Variants in MIPEP observed in about 807,000 individuals in gnomAD.
MIPEP encodes mitochondrial intermediate peptidase.
A neutral mutation model predicts 90.3 loss-of-function variants in MIPEP; 79 were observed. That is an observed-to-expected ratio of 0.87 (90% CI 0.73 to 1.05). MIPEP has a LOEUF of 1.05. Among genes scored for constraint, MIPEP ranks in the 50% least tolerant of loss-of-function variants. The pLI is 0.00. For missense variants in MIPEP, 940 were observed against 905.6 expected, an observed-to-expected ratio of 1.04 and a Z score of -0.49; for synonymous variants, 334 against 315.8, an observed-to-expected ratio of 1.06 and a Z score of -0.61.
intron 18 of MIPEP, among the ~76,000 whole-genome samples, chr13:23,736,664 G>C (rs1952267346): frequency 6.6e-6 from 1 of 152,172 alleles, no homozygotes; most frequent in South Asian, 2.1e-4. Context: ...CAGCTGGAGA[G>C]AAAGTGAGGA....
intron 18 of MIPEP, among the ~76,000 whole-genome samples, chr13:23,739,911 G>T (rs1952307057): frequency 6.6e-6 from 1 of 152,210 alleles, no homozygotes; most frequent in Non-Finnish European, 1.5e-5. Flanking sequence ...TTCATGAGTT[G>T]GGGAGAAAGC....
chr13:23,734,279 C>G (rs1398154848), intron 18 of MIPEP, among the ~76,000 whole-genome samples: 2 of 152,154 alleles, frequency 1.3e-5, no homozygotes, highest in Non-Finnish European at 1.5e-5. Context: ...TCTTTTCCTT[C>G]TTGCTTATTG....
chr13:23,882,911 A>C (rs1356564954), intron 2 of MIPEP, among the ~76,000 whole-genome samples: 1 of 152,100 alleles, frequency 6.6e-6, no homozygotes, highest in Non-Finnish European at 1.5e-5. Flanking sequence ...AATCAATATT[A>C]AAATTCAAAA....
At chr13:23,825,195 T>C (rs1953351450) in intron 14 of MIPEP, among the ~76,000 whole-genome samples, 1 of 152,240 alleles carries the variant, frequency 6.6e-6, no homozygotes, top group South Asian at 2.1e-4. Context: ...CCATCTCTAC[T>C]TCCCTGTTCA....
At chr13:23,865,672 A>ACC (rs1555241390) in intron 7 of MIPEP, among the ~76,000 whole-genome samples, 3 of 68,966 alleles carry the variant, frequency 4.3e-5, no homozygotes, top group Non-Finnish European at 8.4e-5. Context: ...GCCTCAATTA[A>ACC]TTTTTTTTTT....
At chr13:23,785,245 T>TC (rs911650646) in intron 16 of MIPEP, among the ~76,000 whole-genome samples, 1 of 152,084 alleles carries the variant, frequency 6.6e-6, no homozygotes, top group Non-Finnish European at 1.5e-5. Flanking sequence ...AACCCAAATG[T>TC]CCAACAATGA....
rs117370323 is a variant in MIPEP, at chr13:23,837,810, G to A, written c.1339-54C>T. On this transcript the variant is annotated intron_variant, in intron 12 of 18. Coordinates refer to ENST00000382172, the MANE Select transcript of MIPEP (RefSeq NM_005932.4). ...AAGAAAGTATTTGGTAATGTGAAGAGTAAAACAGTCTTAATGAATATAAAA... is the reference window on the plus strand; with the variant it reads ...AAGAAAGTATTTGGTAATGTGAAGAATAAAACAGTCTTAATGAATATAAAA... 266 of 1,382,202 alleles carry A rather than the reference G, an allele frequency of 1.9e-4. No homozygotes were observed. The East Asian group carries it at 6.0e-3, about 31-fold the overall frequency. The allele number at this position is 1,382,202 out of a possible 1,614,324, so 85.6% of individuals were successfully genotyped here. A position where few individuals can be genotyped will look rare whatever the true frequency, so the allele number is the denominator to read the frequency against.
chr13:23,760,280 T>C, intron 16 of MIPEP, 63 bp from the exon 17 acceptor site: 2 of 1,608,390 alleles, frequency 1.2e-6, no homozygotes, highest in South Asian at 1.1e-5. Flanking sequence ...GAATATCACA[T>C]GTGAGAACAC....
At chr13:23,876,715 G>A (rs1478831667) in intron 4 of MIPEP, among the ~76,000 whole-genome samples, 3 of 152,036 alleles carry the variant, frequency 2.0e-5, no homozygotes, top group Non-Finnish European at 2.9e-5. Flanking sequence ...ATGTGGAAGC[G>A]TTTTGCCTTA....
intron 14 of MIPEP, among the ~76,000 whole-genome samples, chr13:23,825,566 C>T (rs1868411454): frequency 6.6e-6 from 1 of 152,118 alleles, no homozygotes; most frequent in Non-Finnish European, 1.5e-5. Context: ...GACACATTGT[C>T]AGAAGTTTAG....
intron 4 of MIPEP, among the ~76,000 whole-genome samples, chr13:23,877,204 A>C (rs1054587125): frequency 2.6e-5 from 4 of 152,222 alleles, no homozygotes; most frequent in African/African-American, 4.8e-5. Flanking sequence ...AACAATAAAA[A>C]AATTCTTTAT....
At position 23,806,681 on chromosome 13, in the gene MIPEP, C is replaced by A. The variant is rs563245621; in HGVS notation, c.1729-612G>T. Among the ~76,000 whole-genome samples, 852 of 150,590 alleles carry A rather than the reference C, an allele frequency of 5.7e-3. 9 individuals are homozygous for A. The highest frequency in any genetic ancestry group is 0.019 in the African/African-American group (793 of 41,072). On this transcript the variant is annotated intron_variant, in intron 15 of 18. Transcript: ENST00000382172. ...AGAGACTCCGTCTCAAAAAAAAAAACCAAACAAAAAACAACAACAACAACA... is the reference window on the plus strand; with the variant it reads ...AGAGACTCCGTCTCAAAAAAAAAAAACAAACAAAAAACAACAACAACAACA...
intron 18 of MIPEP, among the ~76,000 whole-genome samples, chr13:23,747,096 G>A (rs970283771): frequency 3.3e-5 from 5 of 152,172 alleles, no homozygotes; most frequent in African/African-American, 9.7e-5. Flanking sequence ...GAGTGTGACC[G>A]ACTCCTGACT....
intron 10 of MIPEP, among the ~76,000 whole-genome samples, chr13:23,857,460 C>T (rs531762512): frequency 5.9e-5 from 9 of 152,240 alleles, no homozygotes; most frequent in South Asian, 2.1e-4. Context: ...GTGCCAGCTA[C>T]TTGGGAGGCT....
At chr13:23,742,325 A>AAGAGCAAAG (rs2138490783) in intron 18 of MIPEP, among the ~76,000 whole-genome samples, 1 of 152,388 alleles carries the variant, frequency 6.6e-6, no homozygotes, top group African/African-American at 2.4e-5. Flanking sequence ...GCAAGGGTTT[A>AAGAGCAAAG]GTAAGAGATT....
At position 23,879,275 on chromosome 13, in the gene MIPEP, C is replaced by G. The variant is rs375364056; in HGVS notation, c.532G>C (p.Glu178Gln). ...AAAGAAATGAGTGAGTACCTTGTTT[C>G]TGGATCAAGGGAATCCACAAGTTTT... ...DKKLVDSLDP[E>Q]TRRVAELFMF... Residue 178 changes from glutamate (E) to glutamine (Q), a missense_variant, in exon 4 of 19, where the codon GAA becomes CAA. By Grantham distance (29) the Glu-to-Gln change is conservative. Transcript: ENST00000382172. 4 of 1,596,822 alleles carry G rather than the reference C, an allele frequency of 2.5e-6. No individual in the cohort carries two copies. Among genetic ancestry groups the G allele is most frequent in the Non-Finnish European group, 3.4e-6 (4 of 1,165,392 alleles).
chr13:23,830,200 G>A (rs917356686), intron 14 of MIPEP, among the ~76,000 whole-genome samples: 2 of 152,126 alleles, frequency 1.3e-5, no homozygotes, highest in Admixed American at 6.5e-5. Flanking sequence ...TCCATGACAG[G>A]AGAATGAGTA....
At chr13:23,804,532 A>G (rs1267779642) in intron 16 of MIPEP, among the ~76,000 whole-genome samples, 1 of 152,232 alleles carries the variant, frequency 6.6e-6, no homozygotes, top group East Asian at 1.9e-4. Context: ...GATAATCAAG[A>G]GCTTGGCAGT....
intron 16 of MIPEP, among the ~76,000 whole-genome samples, chr13:23,777,502 G>T (rs2137355855): frequency 6.6e-6 from 1 of 152,326 alleles, no homozygotes; most frequent in South Asian, 2.1e-4. Context: ...CTGTGTTACA[G>T]TATTGTACCA....
Sources: gnomAD v4.1 joint callset for allele counts (sites outside exome capture counted in the v4.1 genomes callset) on GRCh38, gnomAD v4.1.1 for gene constraint, MANE v1.5 for transcripts, NCBI Gene and HGNC (gene_info 2026-07-23, HGNC 2026-07-21) for gene names.